Variants in SLC25A13 observed in about 807,000 individuals in gnomAD.
SLC25A13 encodes solute carrier family 25 member 13.
In SLC25A13, 70 loss-of-function variants were observed where a neutral mutation model predicts 85.5. That is an observed-to-expected ratio of 0.82 (90% CI 0.68 to 1.00). The LOEUF is 1.00. Among genes scored for constraint, SLC25A13 ranks in the 50% least tolerant of loss-of-function variants. The pLI is 0.00. For missense variants in SLC25A13, 765 were observed against 819.8 expected, an observed-to-expected ratio of 0.93 and a Z score of 0.82; for synonymous variants, 259 against 288.7, an observed-to-expected ratio of 0.90 and a Z score of 1.04.
At chr7:96,255,115 A>G (rs1797582844) in intron 3 of SLC25A13, among the ~76,000 whole-genome samples, 1 of 152,252 alleles carries the variant, frequency 6.6e-6, no homozygotes, top group South Asian at 2.1e-4. Flanking sequence ...AACTATATAT[A>G]CTTTGTGGAA....
Position 96,189,832 on chromosome 7 carries a change from AG to A in SLC25A13, c.755-159del, listed in dbSNP as rs367638946. Among the ~76,000 whole-genome samples the A allele has an allele frequency of 1.3e-4, 20 of 152,336 alleles. No individual in the cohort carries two copies. The East Asian group carries it at 1.7e-3, about 13-fold the overall frequency. ...ATCCAAATAAGGTAAGAATTTTTGCAGTTCTTGCATCCATTTGGAAAGCGTG... is the reference window on the plus strand; with the variant it reads ...ATCCAAATAAGGTAAGAATTTTTGCATTCTTGCATCCATTTGGAAAGCGTG... On this transcript the variant is annotated intron_variant, in intron 7 of 17. Coordinates refer to ENST00000265631, the MANE Select transcript of SLC25A13 (RefSeq NM_014251.3).
At chr7:96,238,660 A>G (rs7811725) in intron 3 of SLC25A13, among the ~76,000 whole-genome samples, 100,400 of 151,846 alleles carry the variant, frequency 0.66, 33,553 homozygotes, top group African/African-American at 0.73. Context: ...GCCGGACAGA[A>G]GACAAATGTG....
At chr7:96,170,830 T>C (rs1270942464) in intron 12 of SLC25A13, among the ~76,000 whole-genome samples, 1 of 152,154 alleles carries the variant, frequency 6.6e-6, no homozygotes, top group Non-Finnish European at 1.5e-5. Context: ...CTTTGTGGCC[T>C]TAGTGATGCA....
chr7:96,190,486 C>T (rs897573019), intron 7 of SLC25A13, among the ~76,000 whole-genome samples: 2 of 152,092 alleles, frequency 1.3e-5, no homozygotes, highest in African/African-American at 4.8e-5. Flanking sequence ...TTATGGAATT[C>T]CTCATATACA....
At chr7:96,205,530 G>A (rs1240493332) in intron 5 of SLC25A13, among the ~76,000 whole-genome samples, 2 of 152,144 alleles carry the variant, frequency 1.3e-5, no homozygotes, top group Non-Finnish European at 2.9e-5. Context: ...TAAGAGAAAT[G>A]TGACCCCACT....
intron 2 of SLC25A13, among the ~76,000 whole-genome samples, chr7:96,279,727 G>A (rs1584556077): frequency 6.6e-6 from 1 of 152,058 alleles, no homozygotes; most frequent in South Asian, 2.1e-4. Context: ...ATATCAGAGA[G>A]TTTATCTGAG....
At chr7:96,245,837 T>C (rs1164161705) in intron 3 of SLC25A13, among the ~76,000 whole-genome samples, 1 of 152,186 alleles carries the variant, frequency 6.6e-6, no homozygotes. Flanking sequence ...TAAACCATGA[T>C]GGAAAACTGA....
intron 3 of SLC25A13, among the ~76,000 whole-genome samples, chr7:96,245,633 T>C (rs1307265892): frequency 2.0e-5 from 3 of 152,340 alleles, no homozygotes; most frequent in South Asian, 2.1e-4. Flanking sequence ...GCATGACAAA[T>C]AGTCTGCATT....
chr7:96,197,374 C>T (rs560190154), intron 5 of SLC25A13, among the ~76,000 whole-genome samples: 1 of 152,192 alleles, frequency 6.6e-6, no homozygotes, highest in Non-Finnish European at 1.5e-5. Context: ...TAGCAGAGAC[C>T]AAGGAGGAGA....
Position 96,188,406 on chromosome 7 carries a change from G to C in SLC25A13, c.933+888C>G, listed in dbSNP as rs147359588. Among the ~76,000 whole-genome samples, 77 of 152,320 alleles carry C rather than the reference G, an allele frequency of 5.1e-4. 1 individual carries two copies. The highest frequency in any genetic ancestry group is 1.8e-3 in the African/African-American group (73 of 41,570). ...AGAAGGGGGCCCTGGCTCAAGGTCT[G>C]ACAGTCCTAAAAGTGTAGCCTGCAG... On this transcript the variant is annotated intron_variant, in intron 9 of 17. Coordinates refer to ENST00000265631, the MANE Select transcript of SLC25A13 (RefSeq NM_014251.3).
intron 3 of SLC25A13, among the ~76,000 whole-genome samples, chr7:96,275,479 T>C (rs1273980001): frequency 2.0e-5 from 3 of 152,186 alleles, no homozygotes; most frequent in African/African-American, 7.2e-5. Context: ...AGACTTGGAA[T>C]CAACCCAAAT....
chr7:96,156,441 C>T (rs571038724), intron 13 of SLC25A13, among the ~76,000 whole-genome samples: 19 of 151,388 alleles, frequency 1.3e-4, no homozygotes, highest in South Asian at 6.3e-4. Flanking sequence ...GGACTACAGG[C>T]GCTCGCCACC....
chr7:96,305,185 GTAGATCACACAGC>G (rs1448252344), intron 1 of SLC25A13, among the ~76,000 whole-genome samples: 3 of 152,082 alleles, frequency 2.0e-5, no homozygotes, highest in Non-Finnish European at 4.4e-5. Flanking sequence ...ATGAATACCA[GTAGATCACACAGC>G]CAGAAATGAC....
At chr7:96,316,460 G>A (rs568041017) in intron 1 of SLC25A13, among the ~76,000 whole-genome samples, 2 of 152,102 alleles carry the variant, frequency 1.3e-5, no homozygotes, top group South Asian at 2.1e-4. Context: ...ATCCATACCC[G>A]ATGGCATGTG....
At chr7:96,136,414 A>C (rs1792289684) in intron 14 of SLC25A13, among the ~76,000 whole-genome samples, 1 of 152,158 alleles carries the variant, frequency 6.6e-6, no homozygotes, top group African/African-American at 2.4e-5. Context: ...TCGTCCACTC[A>C]AGTTTATTTT....
intron 4 of SLC25A13, among the ~76,000 whole-genome samples, chr7:96,209,229 A>G (rs1450618085): frequency 1.3e-5 from 2 of 151,944 alleles, no homozygotes; most frequent in African/African-American, 4.8e-5. Context: ...CACAACCTAA[A>G]GGCTGTAGGA....
rs149819835 is a variant in SLC25A13, at chr7:96,157,055, C to T, written c.1312-10359G>A. On this transcript the variant is annotated intron_variant, in intron 13 of 17. Coordinates refer to ENST00000265631, the MANE Select transcript of SLC25A13 (RefSeq NM_014251.3). ...CAGTTTTGGCTGCTGTAATTTGTAT[C>T]GGAAGTCCATGATCTTCATAAATTC... 2.2e-4 allele frequency among the ~76,000 whole-genome samples: 33 copies of T among 152,220 alleles called. 1 individual carries two copies. Among genetic ancestry groups the T allele is most frequent in the Admixed American group, 8.5e-4 (13 of 15,286 alleles).
chr7:96,263,850 A>C (rs911466120), intron 3 of SLC25A13, among the ~76,000 whole-genome samples: 23 of 152,014 alleles, frequency 1.5e-4, no homozygotes, highest in African/African-American at 4.6e-4. Flanking sequence ...CCATTACCAA[A>C]AACTCCTTTT....
chr7:96,311,885 T>C (rs1200201027), intron 1 of SLC25A13, among the ~76,000 whole-genome samples: 1 of 152,228 alleles, frequency 6.6e-6, no homozygotes, highest in African/African-American at 2.4e-5. Context: ...TCTTTTATCC[T>C]GCTACCCTGT....
Sources: gnomAD v4.1 joint callset for allele counts (sites outside exome capture counted in the v4.1 genomes callset) on GRCh38, gnomAD v4.1.1 for gene constraint, MANE v1.5 for transcripts, NCBI Gene and HGNC (gene_info 2026-07-23, HGNC 2026-07-21) for gene names.